C1QTNF4: variants seen among roughly 807,000 people sequenced by gnomAD.
C1QTNF4 encodes the protein complement C1q tumor necrosis factor-related protein 4.
C1QTNF4 carries 12 observed loss-of-function variants against 14.6 expected under a neutral mutation model. That is an observed-to-expected ratio of 0.82 (90% CI 0.53 to 1.33). The LOEUF (loss-of-function observed/expected upper bound fraction) is 1.33. Ranked by LOEUF, C1QTNF4 falls within the 40% of genes most tolerant of loss-of-function variation. C1QTNF4 has a pLI of 0.00. For missense variants in C1QTNF4, 558 were observed against 500.3 expected (o/e 1.12, Z -1.10); for synonymous variants, 278 against 246.6 (o/e 1.13, Z -1.19).
intron 1 of C1QTNF4, among the ~76,000 whole-genome samples, chr11:47,591,125 C>A (rs1331834995): frequency 6.6e-6 from 1 of 152,234 alleles, no homozygotes; most frequent in Non-Finnish European, 1.5e-5. Flanking sequence ...GTGAACCAGG[C>A]TGGAGTGTAG....
intron 1 of C1QTNF4, 134 bp downstream of exon 1, chr11:47,594,013 CT>C (rs1334193856): frequency 6.6e-6 from 1 of 152,138 alleles, no homozygotes; most frequent in Non-Finnish European, 1.5e-5. Context: ...AATGAAAGCC[CT>C]TGTGCCTGTT....
At position 47,589,814 on chromosome 11, in the gene C1QTNF4, C is replaced by G; in HGVS notation, c.*7G>C. ...TGGCCCTCCCGGGCTCTTCTCTGGCCCGGGGCTCACAGTAGCTCCGAGGCC... is the reference window on the plus strand; with the variant it reads ...TGGCCCTCCCGGGCTCTTCTCTGGCGCGGGGCTCACAGTAGCTCCGAGGCC... On this transcript the variant is annotated 3_prime_UTR_variant, in exon 2 of 2. Coordinates refer to ENST00000302514, the MANE Select transcript of C1QTNF4 (RefSeq NM_031909.3). 1.3e-6 allele frequency: 2 copies of G among 1,521,192 alleles called. No homozygotes were observed. The highest frequency in any genetic ancestry group is 1.8e-6 in the Non-Finnish European group (2 of 1,132,224). 94.2% of individuals were successfully genotyped at this position (1,521,192 alleles called of 1,614,324 possible). A position where few individuals can be genotyped will look rare whatever the true frequency, so the allele number is the denominator to read the frequency against.
intron 1 of C1QTNF4, among the ~76,000 whole-genome samples, chr11:47,591,079 G>A (rs568267815): frequency 6.6e-6 from 1 of 152,280 alleles, no homozygotes; most frequent in African/African-American, 2.4e-5. Context: ...GCATTTCTTT[G>A]TTTTGTTTGT....
chr11:47,593,797 G>A (rs1342613603), intron 1 of C1QTNF4, among the ~76,000 whole-genome samples: 1 of 151,888 alleles, frequency 6.6e-6, no homozygotes, highest in Non-Finnish European at 1.5e-5. Context: ...CAGGCTGAGG[G>A]GATCGCAGAG....
In C1QTNF4 at chr11:47,590,002, T is replaced by G; in HGVS notation, c.809A>C (p.Gln270Pro). 6.2e-7 allele frequency: 1 copy of G among 1,611,504 alleles called. No individual in the cohort carries two copies. The highest frequency in any genetic ancestry group is 8.5e-7 in the Non-Finnish European group (1 of 1,178,464). Residue 270 changes from glutamine to proline, a missense_variant, in exon 2 of 2, where the codon CAG becomes CCG. Transcript: ENST00000302514. Reference sequence around the variant, plus strand: ...CAGGGCCAGCATCACGCTCTGGCTCTGCATCTCGCGGCGCCGCGACGCGCC... The same window carrying G: ...CAGGGCCAGCATCACGCTCTGGCTCGGCATCTCGCGGCGCCGCGACGCGCC... ...DDGASRRREMQSQSVMLALRR... is the reference protein window; with the variant it reads ...DDGASRRREMPSQSVMLALRR...
chr11:47,589,804 C>A lies in C1QTNF4; in HGVS notation c.*17G>T, dbSNP rs1351690044. 6.7e-7 allele frequency: 1 copy of A among 1,499,452 alleles called. No individual in the cohort carries two copies. Among genetic ancestry groups the A allele is most frequent in the African/African-American group, 1.4e-5 (1 of 70,790 alleles). 92.9% of individuals were successfully genotyped at this position (1,499,452 alleles called of 1,614,324 possible). Reference sequence around the variant, plus strand: ...TGCACGCCCCTGGCCCTCCCGGGCTCTTCTCTGGCCCGGGGCTCACAGTAG... The same window carrying A: ...TGCACGCCCCTGGCCCTCCCGGGCTATTCTCTGGCCCGGGGCTCACAGTAG... On this transcript the variant is annotated 3_prime_UTR_variant, in exon 2 of 2. Transcript: ENST00000302514.
chr11:47,593,386 T>G (rs529155383), intron 1 of C1QTNF4, among the ~76,000 whole-genome samples: 2 of 152,146 alleles, frequency 1.3e-5, no homozygotes, highest in African/African-American at 2.4e-5. Flanking sequence ...CTCTAGTGTT[T>G]TGTCTTCTGG....
rs1344275879 is a variant in C1QTNF4 at position 47,590,133 on chromosome 11, G to C, written c.678C>G (p.Pro226=). The C allele has an allele frequency of 1.2e-6, 2 of 1,610,128 alleles. No homozygotes were observed. Among genetic ancestry groups the C allele is most frequent in the East Asian group, 4.5e-5 (2 of 44,754 alleles). The stretch of plus-strand genomic sequence containing the variant: ...GCGTGAAGGAGAAGAAGTAGGCGCC[G>C]GGCAGACGGCAGCGGAACACGCCGG... The part of the protein sequence containing the change: ...AAAGVFRCRL[P]GAYFFSFTLG... Residue 226 remains proline, a synonymous_variant, in exon 2 of 2, where the codon CCC becomes CCG. Coordinates refer to ENST00000302514, the MANE Select transcript of C1QTNF4 (RefSeq NM_031909.3).
intron 1 of C1QTNF4, among the ~76,000 whole-genome samples, chr11:47,593,613 G>C (rs986372191): frequency 1.3e-5 from 2 of 152,136 alleles, no homozygotes; most frequent in Non-Finnish European, 2.9e-5. Context: ...TCCCTGAGCA[G>C]GTCAGAGGTG....
In C1QTNF4 at chr11:47,590,570, TGAA is replaced by T; in HGVS notation, c.238_240del (p.Phe80del). ...CTCTTGTGCGGGGCCTTGCCAGCCG[TGAA>T]GGAGAAGAAGTAGGCGCCGGGCACG... On this transcript the variant is annotated inframe_deletion, in exon 2 of 2. Coordinates refer to ENST00000302514, the MANE Select transcript of C1QTNF4 (RefSeq NM_031909.3). 1.9e-6 allele frequency: 3 copies of T among 1,602,638 alleles called. No homozygotes were observed. The highest frequency in any genetic ancestry group is 2.6e-6 in the Non-Finnish European group (3 of 1,175,902).
In C1QTNF4 at chr11:47,589,992, G is replaced by C; in HGVS notation, c.819C>G (p.Ser273Arg). The C allele has an allele frequency of 6.2e-7, 1 of 1,611,564 alleles. No homozygotes were observed. Among genetic ancestry groups the C allele is most frequent in the Non-Finnish European group, 8.5e-7 (1 of 1,178,474 alleles). The part of the protein sequence containing the change: ...ASRRREMQSQ[S>R]VMLALRRGDA... ...CGCCGCGCCGCAGGGCCAGCATCAC[G>C]CTCTGGCTCTGCATCTCGCGGCGCC... The change falls in exon 2 of 2, where the codon AGC becomes AGG. Residue 273 changes from serine to arginine, a missense_variant. Transcript: ENST00000302514.
Position 47,590,330 on chromosome 11 carries a change from CGGCGTCGGCGTA to C in C1QTNF4, c.469_480del (p.Tyr157_Ala160del), listed in dbSNP as rs2097274645. 1 of 1,289,630 alleles carries C rather than the reference CGGCGTCGGCGTA, an allele frequency of 7.8e-7. No homozygotes were observed. Among genetic ancestry groups the C allele is most frequent in the Non-Finnish European group, 9.8e-7 (1 of 1,019,722 alleles). The allele number at this position is 1,289,630 out of a possible 1,614,324, so 79.9% of individuals were successfully genotyped here. Reference sequence around the variant, plus strand: ...GGCCCGCGCGCAGGCGCGTCAGCGTCGGCGTCGGCGTAGACTAGGTAGCCGCTGAAGGTGGCG... The same window carrying C: ...GGCCCGCGCGCAGGCGCGTCAGCGTCGACTAGGTAGCCGCTGAAGGTGGCG... On this transcript the variant is annotated inframe_deletion, in exon 2 of 2. Transcript: ENST00000302514.
Position 47,590,282 on chromosome 11 carries a change from A to G in C1QTNF4, c.529T>C (p.Ser177Pro). Residue 177 changes from serine to proline, a missense_variant, in exon 2 of 2, where the codon TCG becomes CCG. Ser to Pro is a moderately conservative substitution (Grantham distance 74). Coordinates refer to ENST00000302514, the MANE Select transcript of C1QTNF4 (RefSeq NM_031909.3). The stretch of plus-strand genomic sequence containing the variant: ...CGCGTGCGCGCCGCCGAGAAGGCCG[A>G]GCGCGGCTCGGGGGGCGCGGGCGGC... Reference protein sequence around the residue: ...RGPPAPPEPRSAFSAARTRSL... With the variant: ...RGPPAPPEPRPAFSAARTRSL... The G allele has an allele frequency of 8.2e-7, 1 of 1,215,742 alleles. No homozygotes were observed. Among genetic ancestry groups the G allele is most frequent in the South Asian group, 2.5e-5 (1 of 39,614 alleles). The allele number at this position is 1,215,742 out of a possible 1,614,324, so 75.3% of individuals were successfully genotyped here.
Position 47,590,376 on chromosome 11 carries a change from G to T in C1QTNF4, c.435C>A (p.Gly145=). 2 of 1,431,790 alleles carry T rather than the reference G, an allele frequency of 1.4e-6. No homozygotes were observed. The highest frequency in any genetic ancestry group is 1.8e-6 in the Non-Finnish European group (2 of 1,102,404). 88.7% of individuals were successfully genotyped at this position (1,431,790 alleles called of 1,614,324 possible). The change falls in exon 2 of 2, where the codon GGC becomes GGA. Residue 145 remains glycine, a synonymous_variant. Coordinates refer to ENST00000302514, the MANE Select transcript of C1QTNF4 (RefSeq NM_031909.3). ...AGCCGCTGAAGGTGGCGCCGGGCGC[G>T]CCTAGCGCGTACTGCGGGGCGCCAT... ...RLHGAPQYAL[G]APGATFSGYL...
Position 47,589,737 on chromosome 11 carries a change from G to A in C1QTNF4, c.*84C>T. The stretch of plus-strand genomic sequence containing the variant: ...GAGTCCAGGCGCGCCCGGAGGCCGT[G>A]GCGCTCGCGCGGGACTTTCGAGCCT... On this transcript the variant is annotated 3_prime_UTR_variant, in exon 2 of 2. Transcript: ENST00000302514. 7.6e-7 allele frequency: 1 copy of A among 1,318,994 alleles called. No individual in the cohort carries two copies. Among genetic ancestry groups the A allele is most frequent in the Non-Finnish European group, 1.0e-6 (1 of 999,700 alleles). 81.7% of individuals were successfully genotyped at this position (1,318,994 alleles called of 1,614,324 possible). A position where few individuals can be genotyped will look rare whatever the true frequency, so the allele number is the denominator to read the frequency against.
intron 1 of C1QTNF4, among the ~76,000 whole-genome samples, chr11:47,592,286 G>A (rs772714440): frequency 3.5e-4 from 53 of 152,144 alleles, no homozygotes; most frequent in Non-Finnish European, 6.9e-4. Context: ...TTCAGGTCCT[G>A]GCTCTACCAC....
Position 47,590,183 on chromosome 11 carries a change from T to C in C1QTNF4, c.628A>G (p.Ile210Val). ...GCCGCCGCGTCGAAGTCGCCGCCAA[T>C]GTTGACGAACTCGGTGTCGAAGGCG... ...PLAFDTEFVNIGGDFDAAAGV... is the reference protein window; with the variant it reads ...PLAFDTEFVNVGGDFDAAAGV... Residue 210 changes from isoleucine to valine, a missense_variant, in exon 2 of 2, where the codon ATT (isoleucine) becomes GTT (valine). Coordinates refer to ENST00000302514, the MANE Select transcript of C1QTNF4 (RefSeq NM_031909.3). The C allele has an allele frequency of 6.3e-7, 1 of 1,596,418 alleles. No individual in the cohort carries two copies. The highest frequency in any genetic ancestry group is 2.3e-5 in the East Asian group (1 of 44,138).
Position 47,590,245 on chromosome 11 carries a change from C to G in C1QTNF4, c.566G>C (p.Gly189Ala), listed in dbSNP as rs1395209695. Residue 189 changes from glycine (G) to alanine (A), a missense_variant, in exon 2 of 2, where the codon GGC becomes GCC. Transcript: ENST00000302514. ...CCGCGGCCCGGGGCCAGCGTCCGAG[C>G]CCACCAAGCTGCGCGTGCGCGCCGC... ...FSAARTRSLVGSDAGPGPRHQ... is the reference protein window; with the variant it reads ...FSAARTRSLVASDAGPGPRHQ... The G allele has an allele frequency of 2.0e-6, 3 of 1,479,968 alleles. No homozygotes were observed. The highest frequency in any genetic ancestry group is 2.7e-6 in the Non-Finnish European group (3 of 1,124,730). 91.7% of individuals were successfully genotyped at this position (1,479,968 alleles called of 1,614,324 possible).
chr11:47,592,395 G>T (rs1286092425), intron 1 of C1QTNF4, among the ~76,000 whole-genome samples: 1 of 152,190 alleles, frequency 6.6e-6, no homozygotes, highest in African/African-American at 2.4e-5. Context: ...TGCTGTGGGG[G>T]TGTGCTGAGA....
Sources: allele counts gnomAD v4.1 joint callset (sites outside exome capture counted in the v4.1 genomes callset), GRCh38; gene constraint gnomAD v4.1.1; transcripts MANE v1.5; gene names NCBI Gene and HGNC (gene_info 2026-07-23, HGNC 2026-07-21).